The following MAMDC2 variants were observed in gnomAD, a reference collection of about 807,000 sequenced individuals.
The protein encoded by MAMDC2 is MAM domain-containing protein 2.
Under a neutral mutation model 89.8 loss-of-function variants are expected in MAMDC2, and 57 were observed. The ratio of observed to expected loss-of-function variants is 0.63; its 90% CI spans 0.51 to 0.79. The LOEUF (loss-of-function observed/expected upper bound fraction) is 0.79. Among genes scored for constraint, MAMDC2 ranks in the 30% least tolerant of loss-of-function variants. The probability of loss-of-function intolerance (pLI) is 0.00; values close to 1 mark genes in which losing one functional copy is unlikely to be tolerated. For synonymous variants in MAMDC2, 313 were observed against 293.4 expected, an observed-to-expected ratio of 1.07 and a Z score of -0.68; for missense variants, 800 against 820.6, an observed-to-expected ratio of 0.97 and a Z score of 0.31.
At chr9:70,208,619 C>G (rs2033281927) in intron 11 of MAMDC2, among the ~76,000 whole-genome samples, 1 of 152,160 alleles carries the variant, frequency 6.6e-6, no homozygotes, top group Non-Finnish European at 1.5e-5. Context: ...ACTTAATACC[C>G]TTTATTTCTT....
intron 12 of MAMDC2, among the ~76,000 whole-genome samples, chr9:70,224,983 T>G (rs1383667068): frequency 6.6e-6 from 1 of 152,220 alleles, no homozygotes; most frequent in Admixed American, 6.5e-5. Flanking sequence ...TATAAACTAC[T>G]CCAATGAAGA....
At position 70,044,015 on chromosome 9, in the gene MAMDC2, C is replaced by A. The variant is rs1826668854; in HGVS notation, c.-183C>A. Reference sequence around the variant, plus strand: ...TCCATTCGAGCACCTTCCAGCATACCGCTCGGCTCCGGGAGCCGCTCTGCA... The same window carrying A: ...TCCATTCGAGCACCTTCCAGCATACAGCTCGGCTCCGGGAGCCGCTCTGCA... On this transcript the variant is annotated 5_prime_UTR_variant, in exon 1 of 14. Transcript: ENST00000377182. The A allele has an allele frequency of 9.0e-6, 6 of 669,320 alleles. No homozygotes were observed. The highest frequency in any genetic ancestry group is 5.1e-6 in the Non-Finnish European group (2 of 389,588). 41.5% of individuals were successfully genotyped at this position (669,320 alleles called of 1,614,324 possible). A position where few individuals can be genotyped will look rare whatever the true frequency, so the allele number is the denominator to read the frequency against.
intron 2 of MAMDC2, among the ~76,000 whole-genome samples, chr9:70,092,985 A>C (rs1827939290): frequency 6.6e-6 from 1 of 152,146 alleles, no homozygotes; most frequent in Admixed American, 6.5e-5. Context: ...TATCCTTTAT[A>C]ATAGATGTAA....
chr9:70,140,336 C>T, intron 8 of MAMDC2, 48 bp downstream of exon 8: 2 of 1,524,370 alleles, frequency 1.3e-6, no homozygotes, highest in Non-Finnish European at 1.7e-6. Flanking sequence ...TAGTCGTGAG[C>T]TTTATTGGCC....
intron 5 of MAMDC2, among the ~76,000 whole-genome samples, chr9:70,124,974 G>T (rs920278967): frequency 6.6e-6 from 1 of 152,196 alleles, no homozygotes; most frequent in Non-Finnish European, 1.5e-5. Flanking sequence ...GCCTCCCAAA[G>T]TGTTGGGATT....
At chr9:70,165,063 G>A (rs978351516) in intron 9 of MAMDC2, among the ~76,000 whole-genome samples, 5 of 151,534 alleles carry the variant, frequency 3.3e-5, no homozygotes, top group African/African-American at 1.2e-4. Flanking sequence ...CACTTGCTTC[G>A]AAATACTGCC....
intron 2 of MAMDC2, among the ~76,000 whole-genome samples, chr9:70,061,365 G>T (rs1047254447): frequency 5.9e-5 from 9 of 152,182 alleles, no homozygotes; most frequent in African/African-American, 2.2e-4. Context: ...TCTTGTCATG[G>T]TGTCTATCCT....
chr9:70,204,367 C>T (rs1212912831), intron 11 of MAMDC2, among the ~76,000 whole-genome samples: 19 of 151,870 alleles, frequency 1.3e-4, no homozygotes, highest in African/African-American at 3.6e-4. Flanking sequence ...TTAGGCTGCT[C>T]GGGGGTCAGG....
At chr9:70,168,879 C>A in intron 10 of MAMDC2, 84 bp downstream of exon 10, 2 of 1,136,188 alleles carry the variant, frequency 1.8e-6, no homozygotes, top group Non-Finnish European at 2.6e-6. Flanking sequence ...TACATTTCAT[C>A]TGTGCTAGTC....
At chr9:70,174,240 C>CT (rs2032431316) in intron 11 of MAMDC2, among the ~76,000 whole-genome samples, 1 of 152,178 alleles carries the variant, frequency 6.6e-6, no homozygotes, top group South Asian at 2.1e-4. Flanking sequence ...GTGCCAGGTA[C>CT]TGTTTTAGGT....
chr9:70,165,182 C>T (rs1386125690), intron 9 of MAMDC2, among the ~76,000 whole-genome samples: 5 of 151,956 alleles, frequency 3.3e-5, no homozygotes, highest in Admixed American at 1.3e-4. Context: ...TTAACTGGAC[C>T]CAGAGGGTAA....
chr9:70,223,615 G>A (rs1201535282), intron 12 of MAMDC2, among the ~76,000 whole-genome samples: 17 of 152,112 alleles, frequency 1.1e-4, no homozygotes, highest in Admixed American at 1.1e-3. Context: ...ATTGAATATT[G>A]CCATGTTTCC....
chr9:70,182,286 T>G (rs2032660965), intron 11 of MAMDC2, among the ~76,000 whole-genome samples: 1 of 152,236 alleles, frequency 6.6e-6, no homozygotes, highest in Non-Finnish European at 1.5e-5. Flanking sequence ...TTTGCATTGA[T>G]GTTCATCAGG....
At chr9:70,069,498 G>A (rs1827351629) in intron 2 of MAMDC2, among the ~76,000 whole-genome samples, 1 of 152,126 alleles carries the variant, frequency 6.6e-6, no homozygotes, top group African/African-American at 2.4e-5. Context: ...ATAGACGATA[G>A]GGTCAAAAGC....
intron 7 of MAMDC2, among the ~76,000 whole-genome samples, chr9:70,137,586 A>G (rs2118392553): frequency 6.6e-6 from 1 of 152,268 alleles, no homozygotes; most frequent in Non-Finnish European, 1.5e-5. Context: ...TCAGTTCCTC[A>G]ACCCACCTGA....
At chr9:70,080,615 T>C (rs3015177) in intron 2 of MAMDC2, among the ~76,000 whole-genome samples, 28,025 of 151,994 alleles carry the variant, frequency 0.18, 3,603 homozygotes, top group African/African-American at 0.37. Context: ...GGTTGGGCCG[T>C]GTGTGTATTT....
chr9:70,197,927 T>A (rs1050557745), intron 11 of MAMDC2, among the ~76,000 whole-genome samples: 3 of 152,076 alleles, frequency 2.0e-5, no homozygotes, highest in African/African-American at 7.2e-5. Context: ...CGTCCCACTT[T>A]ATCTCATCAC....
chr9:70,217,608 T>G (rs534838052), intron 11 of MAMDC2: 1 of 1,610,826 alleles, frequency 6.2e-7, no homozygotes, highest in Admixed American at 1.7e-5. Flanking sequence ...AGGCAGCACC[T>G]AAGCAAAAGA....
intron 3 of MAMDC2, among the ~76,000 whole-genome samples, 154 bp downstream of exon 3, chr9:70,108,636 G>A (rs1828411967): frequency 6.6e-6 from 1 of 152,194 alleles, no homozygotes; most frequent in South Asian, 2.1e-4. Flanking sequence ...TATTAGCAAT[G>A]GAAATTAACA....
Sources: gnomAD v4.1 joint callset for allele counts (sites outside exome capture counted in the v4.1 genomes callset) on GRCh38, gnomAD v4.1.1 for gene constraint, MANE v1.5 for transcripts, NCBI Gene and HGNC (gene_info 2026-07-23, HGNC 2026-07-21) for gene names.